Variants in SLC36A1 observed in about 807,000 individuals in gnomAD.
SLC36A1 encodes proton-coupled amino acid transporter 1.
A neutral mutation model predicts 47.5 loss-of-function variants in SLC36A1; 30 were observed. That is an observed-to-expected ratio of 0.63 (90% CI 0.47 to 0.86). SLC36A1 has a LOEUF of 0.86. Ranked by LOEUF, SLC36A1 falls within the 40% of genes least tolerant of loss-of-function variation. SLC36A1 has a pLI of 0.00. For synonymous variants in SLC36A1, 255 were observed against 249.7 expected (o/e 1.02, Z -0.20); for missense variants, 517 against 606.0 (o/e 0.85, Z 1.54).
At chr5:151,430,709 A>G in the SLC36A1 span, among the ~76,000 whole-genome samples, 2 of 152,144 alleles carry the variant, frequency 1.3e-5, no homozygotes, top group African/African-American at 2.4e-5. Context: ...GTTGATGCTT[A>G]TTGTCTGAAA....
chr5:151,430,686 A>G, the SLC36A1 span, among the ~76,000 whole-genome samples: 7 of 152,164 alleles, frequency 4.6e-5, no homozygotes, highest in Non-Finnish European at 7.4e-5. Context: ...TGTTTGTTGC[A>G]TGGATTATTT....
chr5:151,372,288 A>C, the SLC36A1 span, among the ~76,000 whole-genome samples: 1 of 152,126 alleles, frequency 6.6e-6, no homozygotes, highest in African/African-American at 2.4e-5. Context: ...GTTGAGGGAC[A>C]TGACTGTTTT....
At chr5:151,477,540 G>C (rs1436744803) in intron 9 of SLC36A1, 1 of 152,294 alleles carries the variant, frequency 6.6e-6, no homozygotes, top group Non-Finnish European at 1.5e-5. Context: ...CCAAGATCAG[G>C]TGAAATTGAG....
chr5:151,385,910 C>T, the SLC36A1 span, among the ~76,000 whole-genome samples: 73,422 of 146,796 alleles, frequency 0.5, 20,201 homozygotes, highest in African/African-American at 0.76. Flanking sequence ...CTTGCACTGT[C>T]TCCCGGGCTG....
chr5:151,544,575 G>C, the SLC36A1 span: 1 of 1,613,926 alleles, frequency 6.2e-7, no homozygotes, highest in Non-Finnish European at 8.5e-7. Context: ...TATAGAGGGT[G>C]ATATTTTCAG....
chr5:151,376,549 G>A, the SLC36A1 span, among the ~76,000 whole-genome samples: 1 of 151,918 alleles, frequency 6.6e-6, no homozygotes, highest in Non-Finnish European at 1.5e-5. Flanking sequence ...TTTTGATGTA[G>A]GCATTTAACT....
chr5:151,379,578 C>T, the SLC36A1 span, among the ~76,000 whole-genome samples: 51 of 152,218 alleles, frequency 3.4e-4, no homozygotes, highest in East Asian at 2.1e-3. Context: ...GTGATCTGCC[C>T]GCCTCGGCCT....
At chr5:151,472,431 C>A (rs1429864853) in intron 7 of SLC36A1, among the ~76,000 whole-genome samples, 2 of 152,260 alleles carry the variant, frequency 1.3e-5, no homozygotes, top group Non-Finnish European at 1.5e-5. Flanking sequence ...AACACCCTCA[C>A]AAACACACGC....
chr5:151,405,436 A>G, the SLC36A1 span, among the ~76,000 whole-genome samples: 2 of 145,190 alleles, frequency 1.4e-5, no homozygotes, highest in Non-Finnish European at 3.0e-5. Context: ...TGTAGCCTCA[A>G]CCTCCTGGGC....
chr5:151,365,901 C>A, the SLC36A1 span, among the ~76,000 whole-genome samples: 1 of 152,066 alleles, frequency 6.6e-6, no homozygotes, highest in Non-Finnish European at 1.5e-5. Context: ...CCTGGTGGTA[C>A]CAGGTCTCCT....
At chr5:151,537,321 GAAAA>G in the SLC36A1 span, among the ~76,000 whole-genome samples, 71 of 22,538 alleles carry the variant, frequency 3.2e-3, no homozygotes, top group South Asian at 0.024. Flanking sequence ...AAAAGAAAGA[GAAAA>G]AAAGAAAGAA....
At chr5:151,551,977 GT>G in the SLC36A1 span, among the ~76,000 whole-genome samples, 27 of 16,682 alleles carry the variant, frequency 1.6e-3, no homozygotes, top group African/African-American at 4.8e-3. Context: ...AACCCTAAGG[GT>G]GTGTGTGTGT....
chr5:151,555,333 G>T, the SLC36A1 span, among the ~76,000 whole-genome samples: 2 of 151,676 alleles, frequency 1.3e-5, no homozygotes, highest in Admixed American at 6.6e-5. Context: ...AATTCTAGAA[G>T]GCCATTTAGC....
chr5:151,438,389 A>T (rs1183736151), intron 1 of SLC36A1, among the ~76,000 whole-genome samples: 5 of 145,672 alleles, frequency 3.4e-5, no homozygotes, highest in Non-Finnish European at 7.5e-5. Context: ...GGCTGTTCTT[A>T]ACTAGAGATT....
chr5:151,439,282 A>G (rs1260001899), intron 1 of SLC36A1, among the ~76,000 whole-genome samples: 2 of 152,162 alleles, frequency 1.3e-5, no homozygotes, highest in Non-Finnish European at 1.5e-5. Context: ...TCGAGATGAG[A>G]TTTGGGTGGG....
chr5:151,442,517 C>G (rs943386486), intron 1 of SLC36A1, among the ~76,000 whole-genome samples: 3 of 152,170 alleles, frequency 2.0e-5, no homozygotes, highest in African/African-American at 7.2e-5. Context: ...CAAAACCCCT[C>G]TTCTAGCTAT....
chr5:151,545,137 A>C, the SLC36A1 span: 1 of 1,614,174 alleles, frequency 6.2e-7, no homozygotes, highest in South Asian at 1.1e-5. Flanking sequence ...GGTGTCATTC[A>C]AATGATTGCC....
chr5:151,506,155 G>A, the SLC36A1 span: 1 of 1,483,580 alleles, frequency 6.7e-7, no homozygotes, highest in Non-Finnish European at 8.9e-7. Flanking sequence ...GTTTCAGCTG[G>A]CTCTATAGCA....
the SLC36A1 span, chr5:151,378,114 G>T: frequency 8.6e-6 from 3 of 347,696 alleles, 1 homozygote; most frequent in Middle Eastern, 1.1e-3. Context: ...TTCCACATTG[G>T]TACAAACATT....
Sources: gnomAD v4.1 joint callset for allele counts (sites outside exome capture counted in the v4.1 genomes callset) on GRCh38, gnomAD v4.1.1 for gene constraint, MANE v1.5 for transcripts, NCBI Gene and HGNC (gene_info 2026-07-23, HGNC 2026-07-21) for gene names.